PIH1D1: variants seen among roughly 807,000 people sequenced by gnomAD.
The protein encoded by PIH1D1 is PIH1 domain containing 1, also known as PIH1 domain-containing protein 1.
PIH1D1 carries 28 observed loss-of-function variants against 38.5 expected under a neutral mutation model. That is an observed-to-expected ratio of 0.73 (90% CI 0.54 to 1.00). The LOEUF is 1.00. Among genes scored for constraint, PIH1D1 ranks in the 50% least tolerant of loss-of-function variants. The pLI is 0.00. For synonymous variants in PIH1D1, 155 were observed against 153.5 expected (o/e 1.01, Z -0.07); for missense variants, 343 against 369.9 (o/e 0.93, Z 0.60).
chr19:49,449,190 A>G (rs2079042980), intron 3 of PIH1D1: 1 of 569,614 alleles, frequency 1.8e-6, no homozygotes, highest in East Asian at 3.6e-5. Context: ...CAGCAGGCTC[A>G]GGACTAAAGC....
chr19:49,446,703 G>A lies in PIH1D1; in HGVS notation c.688-9C>T, dbSNP rs769252312. 6.5e-7 allele frequency: 1 copy of A among 1,543,456 alleles called. No individual in the cohort carries two copies. The highest frequency in any genetic ancestry group is 8.7e-7 in the Non-Finnish European group (1 of 1,147,352). On this transcript the variant is annotated splice_polypyrimidine_tract_variant and intron_variant, in intron 7 of 8. Transcript: ENST00000262265. ...AGCCCCAGGGCTCCATCCTGGAGAG[G>A]TGGCGGAATCAGGTCACCCTCCCCA...
At chr19:49,446,467 G>T (rs1600996951) in intron 8 of PIH1D1, 44 bp from the exon 9 acceptor site, 2 of 1,404,234 alleles carry the variant, frequency 1.4e-6, no homozygotes, top group African/African-American at 1.4e-5. Flanking sequence ...GGACCCAGAA[G>T]TCCAGCTCCC....
chr19:49,450,356 G>A (rs1001156061), intron 2 of PIH1D1, among the ~76,000 whole-genome samples: 1 of 152,130 alleles, frequency 6.6e-6, no homozygotes, highest in Non-Finnish European at 1.5e-5. Context: ...GCCTCCCAAA[G>A]TGATGGAATT....
chr19:49,446,819 G>T, intron 7 of PIH1D1, 125 bp from the exon 8 acceptor site: 1 of 1,195,920 alleles, frequency 8.4e-7, no homozygotes, highest in Non-Finnish European at 1.2e-6. Flanking sequence ...AGAGACAGAA[G>T]ACAGCAATTA....
chr19:49,448,980 T>C (rs2079041363), intron 3 of PIH1D1: 1 of 303,480 alleles, frequency 3.3e-6, no homozygotes, highest in African/African-American at 2.2e-5. Flanking sequence ...TCACCTGAGG[T>C]CAGGAGTCTG....
intron 3 of PIH1D1, 115 bp from the exon 4 acceptor site, chr19:49,448,177 CA>C: frequency 9.4e-7 from 1 of 1,069,338 alleles, no homozygotes; most frequent in Non-Finnish European, 1.4e-6. Context: ...CAGAGAGAGA[CA>C]TAAGGAAGTG....
Position 49,447,442 on chromosome 19 carries a change from T to C in PIH1D1, c.507A>G (p.Pro169=), listed in dbSNP as rs143584904. The C allele has an allele frequency of 5.0e-6, 8 of 1,611,082 alleles. No individual in the cohort carries two copies. The highest frequency in any genetic ancestry group is 1.7e-5 in the Admixed American group (1 of 60,004). The change falls in exon 6 of 9, where the codon CCA becomes CCG. Residue 169 remains proline, a synonymous_variant. Coordinates refer to ENST00000262265, the MANE Select transcript of PIH1D1 (RefSeq NM_017916.3). ...TCTGCTGCGAGATGGAGCCCATGAA[T>C]GGCCGGTTCTTCATCATGCGCCATT... ...NPEWRMMKNR[P]FMGSISQQNI...
intron 1 of PIH1D1, 170 bp from the exon 2 acceptor site, chr19:49,451,018 C>A: frequency 1.7e-6 from 2 of 1,152,216 alleles, no homozygotes; most frequent in Non-Finnish European, 2.3e-6. Flanking sequence ...CAACCCCATT[C>A]CCATTTCTTT....
intron 2 of PIH1D1, 50 bp from the exon 3 acceptor site, chr19:49,449,704 TC>T: frequency 2.0e-6 from 3 of 1,481,014 alleles, no homozygotes; most frequent in Middle Eastern, 1.8e-4. Flanking sequence ...CAAGTCCCAG[TC>T]CCCATCCATT....
chr19:49,451,429 G>A, intron 1 of PIH1D1, 56 bp downstream of exon 1: 1 of 1,608,892 alleles, frequency 6.2e-7, no homozygotes, highest in East Asian at 2.2e-5. Context: ...TCCCATCTTT[G>A]AGCACCCCGC....
chr19:49,446,353 C>T lies in PIH1D1; in HGVS notation c.*29G>A. On this transcript the variant is annotated 3_prime_UTR_variant, in exon 9 of 9. Coordinates refer to ENST00000262265, the MANE Select transcript of PIH1D1 (RefSeq NM_017916.3). The stretch of plus-strand genomic sequence containing the variant: ...AGGGAAGCCAGCAGCCTCTTCTCCA[C>T]ATCTCAGAAGCACAAGGAGACACCC... The T allele has an allele frequency of 1.3e-6, 1 of 791,528 alleles. No homozygotes were observed. The highest frequency in any genetic ancestry group is 1.3e-5 in the South Asian group (1 of 74,818). 49.0% of individuals were successfully genotyped at this position (791,528 alleles called of 1,614,324 possible).
At chr19:49,449,763 T>G in intron 2 of PIH1D1, 109 bp from the exon 3 acceptor site, 3 of 835,760 alleles carry the variant, frequency 3.6e-6, no homozygotes, top group Non-Finnish European at 3.7e-6. Context: ...CCCTTTTTTG[T>G]TCCACTCCCC....
At position 49,449,863 on chromosome 19, in the gene PIH1D1, C is replaced by T. The variant is rs549547674; in HGVS notation, c.158-209G>A. ...AGGCTGGAGTGCAGTGGCGTGATCTCGGCTCACTGCAACCTCCACCTCCCA... is the reference window on the plus strand; with the variant it reads ...AGGCTGGAGTGCAGTGGCGTGATCTTGGCTCACTGCAACCTCCACCTCCCA... On this transcript the variant is annotated intron_variant, in intron 2 of 8. Transcript: ENST00000262265. Among the ~76,000 whole-genome samples the T allele has an allele frequency of 4.1e-5, 6 of 147,794 alleles. No individual in the cohort carries two copies. The East Asian group carries it at 1.0e-3, about 25-fold the overall frequency.
chr19:49,449,285 G>A (rs1012583461), intron 3 of PIH1D1, 190 bp downstream of exon 3: 5 of 706,996 alleles, frequency 7.1e-6, no homozygotes, highest in Admixed American at 4.0e-5. Flanking sequence ...AGCCTGGCCA[G>A]GTGGCAGAAC....
chr19:49,449,169 AAAG>A (rs1244660114), intron 3 of PIH1D1: 48 of 488,356 alleles, frequency 9.8e-5, no homozygotes, highest in African/African-American at 2.4e-4. Context: ...AAGAAAGAAA[AAAG>A]AAGGAGACAG....
In PIH1D1 at chr19:49,447,441, A is replaced by T. The variant is rs756040837; in HGVS notation, c.508T>A (p.Phe170Ile). Residue 170 changes from phenylalanine (F) to isoleucine (I), a missense_variant, in exon 6 of 9, where the codon TTC becomes ATC. By Grantham distance (21) the Phe-to-Ile change is conservative. Coordinates refer to ENST00000262265, the MANE Select transcript of PIH1D1 (RefSeq NM_017916.3). ...TTCTGCTGCGAGATGGAGCCCATGA[A>T]TGGCCGGTTCTTCATCATGCGCCAT... ...PEWRMMKNRP[F>I]MGSISQQNIR... 6.2e-7 allele frequency: 1 copy of T among 1,611,302 alleles called. No homozygotes were observed.
In PIH1D1 at chr19:49,446,859, C is replaced by T. The variant is rs550077093; in HGVS notation, c.687+165G>A. On this transcript the variant is annotated intron_variant, in intron 7 of 8. Transcript: ENST00000262265. Reference sequence around the variant, plus strand: ...TCTCAACGACCGAGCACTTACAATCCCTTGGGCGCCCTCAGGACAGCACCA... The same window carrying T: ...TCTCAACGACCGAGCACTTACAATCTCTTGGGCGCCCTCAGGACAGCACCA... The T allele has an allele frequency of 3.5e-4, 370 of 1,067,726 alleles. No homozygotes were observed. In the African/African-American group the frequency reaches 5.4e-3, roughly 15 times the overall value. The allele number at this position is 1,067,726 out of a possible 1,614,324, so 66.1% of individuals were successfully genotyped here. A position where few individuals can be genotyped will look rare whatever the true frequency, so the allele number is the denominator to read the frequency against.
rs1296712395 is a variant in PIH1D1 at position 49,446,586 on chromosome 19, G to A, written c.796C>T (p.His266Tyr). ...DAYIPLQINS[H>Y]ESKAAFHRKR... Reference sequence around the variant, plus strand: ...CGGTGGAAGGCTGCCTTGCTCTCATGAGAGTTGATCTGCAGCGGGATATAA... The same window carrying A: ...CGGTGGAAGGCTGCCTTGCTCTCATAAGAGTTGATCTGCAGCGGGATATAA... Residue 266 changes from histidine to tyrosine, a missense_variant, in exon 8 of 9, where the codon CAT (histidine) becomes TAT (tyrosine). Transcript: ENST00000262265. The A allele has an allele frequency of 6.2e-7, 1 of 1,613,948 alleles. No individual in the cohort carries two copies. The highest frequency in any genetic ancestry group is 8.5e-7 in the Non-Finnish European group (1 of 1,179,992).
Position 49,451,141 on chromosome 19 carries a change from T to TGCCTCA in PIH1D1, c.91-299_91-294dup, listed in dbSNP as rs1231751672. Reference sequence around the variant, plus strand: ...GCCTCCCGGGTTCACGCCATTCTCCTGCCTCAGCCTCTCCAGTAGCTAGGA... The same window carrying TGCCTCA: ...GCCTCCCGGGTTCACGCCATTCTCCTGCCTCAGCCTCAGCCTCTCCAGTAGCTAGGA... On this transcript the variant is annotated intron_variant, in intron 1 of 8. Transcript: ENST00000262265. Among the ~76,000 whole-genome samples the TGCCTCA allele has an allele frequency of 5.3e-5, 8 of 150,540 alleles. No homozygotes were observed. The East Asian group carries it at 1.6e-3, about 30-fold the overall frequency.
Sources: gnomAD v4.1 joint callset for allele counts (sites outside exome capture counted in the v4.1 genomes callset) on GRCh38, gnomAD v4.1.1 for gene constraint, MANE v1.5 for transcripts, NCBI Gene and HGNC (gene_info 2026-07-23, HGNC 2026-07-21) for gene names.